The following MS4A6A variants were observed in gnomAD, a reference collection of about 807,000 sequenced individuals.
The protein encoded by MS4A6A is membrane spanning 4-domains A6A, also known as membrane-spanning 4-domains subfamily A member 6A.
Under a neutral mutation model 20.6 loss-of-function variants are expected in MS4A6A, and 19 were observed. The ratio of observed to expected loss-of-function variants is 0.92; its 90% CI spans 0.64 to 1.36. The LOEUF (loss-of-function observed/expected upper bound fraction) is 1.36, where lower values mean the gene tolerates loss of function less well. Ranked by LOEUF, MS4A6A falls within the 40% of genes most tolerant of loss-of-function variation. The probability of loss-of-function intolerance (pLI) is 0.00; values close to 1 mark genes in which losing one functional copy is unlikely to be tolerated. For synonymous variants in MS4A6A, 108 were observed against 105.0 expected (o/e 1.03, Z -0.17); for missense variants, 272 against 261.1 (o/e 1.04, Z -0.29).
At chr11:60,174,144 C>T (rs1453884049) in intron 5 of MS4A6A, among the ~76,000 whole-genome samples, 4 of 152,158 alleles carry the variant, frequency 2.6e-5, no homozygotes, top group African/African-American at 9.7e-5. Context: ...TGCTGTCAGC[C>T]TCATTTACTT....
chr11:60,175,675 C>T (rs1057141887), intron 4 of MS4A6A, 64 bp from the exon 5 acceptor site: 70 of 1,534,128 alleles, frequency 4.6e-5, no homozygotes, highest in Non-Finnish European at 5.2e-5. Flanking sequence ...TGCATCTTTG[C>T]CATTAAATTG....
downstream of MS4A6A, chr11:60,172,114 T>C: frequency 6.3e-7 from 1 of 1,576,882 alleles, no homozygotes; most frequent in Non-Finnish European, 8.7e-7. Flanking sequence ...TTTTCCATAT[T>C]ATCATAAGAA....
chr11:60,182,585 C>T (rs2083805048), intron 1 of MS4A6A: 1 of 152,396 alleles, frequency 6.6e-6, no homozygotes, highest in African/African-American at 2.4e-5. Context: ...ACTCATAACA[C>T]ATAGGCTCGC....
At chr11:60,181,520 C>A in intron 2 of MS4A6A, 61 bp downstream of exon 2, 2 of 1,590,974 alleles carry the variant, frequency 1.3e-6, no homozygotes, top group South Asian at 2.3e-5. Flanking sequence ...AGTCCCAAGA[C>A]ATATATCATC....
chr11:60,178,403 A>T lies in MS4A6A; in HGVS notation c.283-87T>A, dbSNP rs11230176. ...ATCACAATGTTTATAGACAACTCTC[A>T]TGGGAAAATCCCTGAGAAACCAGTG... On this transcript the variant is annotated intron_variant, in intron 3 of 5. Coordinates refer to ENST00000528851, the MANE Select transcript of MS4A6A (RefSeq NM_022349.4). 2.5e-3 allele frequency: 2,669 copies of T among 1,063,574 alleles called. 53 individuals carry two copies. The African/African-American group carries it at 0.038, about 15-fold the overall frequency. 65.9% of individuals were successfully genotyped at this position (1,063,574 alleles called of 1,614,324 possible). A position where few individuals can be genotyped will look rare whatever the true frequency, so the allele number is the denominator to read the frequency against.
chr11:60,173,354 C>T (rs1856679180), intron 5 of MS4A6A, among the ~76,000 whole-genome samples: 1 of 152,164 alleles, frequency 6.6e-6, no homozygotes, highest in South Asian at 2.1e-4. Context: ...GTAATTAAAT[C>T]AACTAATCTA....
chr11:60,180,506 A>G (rs1026102587), intron 2 of MS4A6A: 3 of 156,388 alleles, frequency 1.9e-5, no homozygotes, highest in Non-Finnish European at 4.2e-5. Context: ...TTTAGCTTTT[A>G]TTTTAAGTTC....
At chr11:60,183,195 A>G (rs966975485), upstream of MS4A6A, 12 of 1,535,620 alleles carry the variant, frequency 7.8e-6, no homozygotes, top group Admixed American at 5.9e-5. Flanking sequence ...TAGCAACTTC[A>G]GTAAAACCAT....
chr11:60,178,300 G>C lies in MS4A6A; in HGVS notation c.299C>G (p.Ser100Cys). Residue 100 changes from serine to cysteine, a missense_variant, in exon 4 of 6, where the codon TCT becomes TGT. Coordinates refer to ENST00000528851, the MANE Select transcript of MS4A6A (RefSeq NM_022349.4). ...CCTTTTCTCTGTGGCGATTGATAGA[G>C]AGCCAGAGATGATAAACTAAGATAA... ...IGPFFFIISG[S>C]LSIATEKRLT... The C allele has an allele frequency of 1.2e-6, 2 of 1,613,608 alleles. No individual in the cohort carries two copies. Among genetic ancestry groups the C allele is most frequent in the Non-Finnish European group, 8.5e-7 (1 of 1,179,628 alleles).
At chr11:60,179,751 C>G (rs2134798022) in intron 3 of MS4A6A, 80 bp downstream of exon 3, 1 of 1,520,142 alleles carries the variant, frequency 6.6e-7, no homozygotes, top group Non-Finnish European at 9.1e-7. Context: ...ACATAGCAAG[C>G]TGGCAGGTGG....
intron 4 of MS4A6A, among the ~76,000 whole-genome samples, chr11:60,176,183 T>G (rs1270861924): frequency 6.6e-6 from 1 of 152,178 alleles, no homozygotes; most frequent in Admixed American, 6.5e-5. Flanking sequence ...GTTCTGAGTC[T>G]CAGGCAGGCC....
At chr11:60,183,469 TAGAG>T (rs1362244209), upstream of MS4A6A, 13 of 360,946 alleles carry the variant, frequency 3.6e-5, no homozygotes, top group East Asian at 3.2e-4. Context: ...AATCATAATA[TAGAG>T]AAAGAACAAT....
intron 5 of MS4A6A, among the ~76,000 whole-genome samples, chr11:60,173,664 A>C (rs1383469662): frequency 6.6e-6 from 1 of 152,318 alleles, no homozygotes; most frequent in East Asian, 1.9e-4. Flanking sequence ...ATCCCTGTCT[A>C]TGTATCTGAA....
In MS4A6A at chr11:60,179,904, G is replaced by T; in HGVS notation, c.209C>A (p.Ser70Tyr). ...LSLGIILASA[S>Y]FSPNFTQVTS... The stretch of plus-strand genomic sequence containing the variant: ...CACTTGGGTAAAATTTGGAGAGAAG[G>T]AAGCAGATGCCAAAATGATCCCCAA... Residue 70 changes from serine (S) to tyrosine (Y), a missense_variant, in exon 3 of 6, where the codon TCC becomes TAC. Physicochemically the swap from Ser to Tyr is moderately radical, Grantham distance 144. Transcript: ENST00000528851. The T allele has an allele frequency of 1.2e-5, 20 of 1,614,058 alleles. No homozygotes were observed. Among genetic ancestry groups the T allele is most frequent in the Non-Finnish European group, 1.7e-5 (20 of 1,179,954 alleles).
intron 5 of MS4A6A, among the ~76,000 whole-genome samples, chr11:60,174,018 T>C (rs192237085): frequency 5.9e-5 from 9 of 152,364 alleles, no homozygotes; most frequent in Admixed American, 2.0e-4. Context: ...TTATTTCCAA[T>C]GTAAAATCGT....
chr11:60,179,523 A>T (rs1857017294), intron 3 of MS4A6A: 2 of 589,364 alleles, frequency 3.4e-6, no homozygotes, highest in Non-Finnish European at 6.0e-6. Context: ...TTCCTTCCCA[A>T]CTTTATCCTA....
upstream of MS4A6A, chr11:60,184,560 T>G (rs998198206): frequency 6.6e-6 from 1 of 152,336 alleles, no homozygotes; most frequent in African/African-American, 2.4e-5. Flanking sequence ...AGGCTCCCTC[T>G]CCAGTCAGTT....
At chr11:60,173,544 C>T (rs569744218) in intron 5 of MS4A6A, among the ~76,000 whole-genome samples, 1 of 152,254 alleles carries the variant, frequency 6.6e-6, no homozygotes, top group South Asian at 2.1e-4. Flanking sequence ...CTTTCTCTAG[C>T]TCCTGTTTCC....
chr11:60,178,714 C>A, intron 3 of MS4A6A: 1 of 372,008 alleles, frequency 2.7e-6, no homozygotes. Context: ...ACCCCAACCA[C>A]ATAATCAAGG....
Sources: allele counts gnomAD v4.1 joint callset (sites outside exome capture counted in the v4.1 genomes callset), GRCh38; gene constraint gnomAD v4.1.1; transcripts MANE v1.5; gene names NCBI Gene and HGNC (gene_info 2026-07-23, HGNC 2026-07-21).